Variants in PLXNB2 observed in about 807,000 individuals in gnomAD.
PLXNB2 encodes plexin-B2.
Under a neutral mutation model 202.6 loss-of-function variants are expected in PLXNB2, and 85 were observed. The ratio of observed to expected loss-of-function variants is 0.42; its 90% CI spans 0.35 to 0.50. The LOEUF (loss-of-function observed/expected upper bound fraction) is 0.50. Among genes scored for constraint, PLXNB2 ranks in the 20% least tolerant of loss-of-function variants. The pLI is 0.02. For missense variants in PLXNB2, 2,063 were observed against 2,586.2 expected (o/e 0.80, Z 4.39); for synonymous variants, 1,239 against 1,137.6 (o/e 1.09, Z -1.79).
At chr22:50,292,199 G>C (rs542037619) in intron 2 of PLXNB2, among the ~76,000 whole-genome samples, 5 of 152,052 alleles carry the variant, frequency 3.3e-5, no homozygotes, top group African/African-American at 1.2e-4. Context: ...TTAGCCAAGC[G>C]TGCTGGCACC....
At position 50,288,620 on chromosome 22, in the gene PLXNB2, G is replaced by T. The variant is rs534015690; in HGVS notation, c.1380+123C>A. ...CCAGCCACCCCTCATCCAGACCAAG[G>T]AGAAGGGCCCAGCTCTGCAGCACCC... On this transcript the variant is annotated intron_variant, in intron 5 of 36. Transcript: ENST00000359337. The surrounding 1 kb of genome is among the most constrained non-coding windows in gnomAD (Gnocchi z 5.0). The T allele has an allele frequency of 1.7e-4, 235 of 1,382,578 alleles. 1 individual carries two copies. In the African/African-American group the frequency reaches 3.1e-3, roughly 18 times the overall value. 85.6% of individuals were successfully genotyped at this position (1,382,578 alleles called of 1,614,324 possible). A position where few individuals can be genotyped will look rare whatever the true frequency, so the allele number is the denominator to read the frequency against.
intron 27 of PLXNB2, 78 bp downstream of exon 27, chr22:50,279,552 C>G: frequency 7.2e-7 from 1 of 1,394,232 alleles, no homozygotes; most frequent in South Asian, 1.2e-5. Context: ...CTGTGGGTCC[C>G]ATCTGTGGCC....
rs115861479 is a variant in PLXNB2, at chr22:50,289,266, G to A, written c.1069-124C>T. The stretch of plus-strand genomic sequence containing the variant: ...CGGCACACGTCCTACACACGTCCCC[G>A]AGAACAGAACCCACATGGCAGGGAG... On this transcript the variant is annotated intron_variant, in intron 3 of 36. Transcript: ENST00000359337. This position sits in a 1 kb window ranked among gnomAD's most constrained non-coding sequence, Gnocchi z 8.0. 1.8e-3 allele frequency: 1,768 copies of A among 1,000,498 alleles called. 29 individuals are homozygous for A. The African/African-American group carries it at 0.026, about 15-fold the overall frequency. 62.0% of individuals were successfully genotyped at this position (1,000,498 alleles called of 1,614,324 possible).
In PLXNB2 at chr22:50,291,454, C is replaced by T. The variant is rs529910010; in HGVS notation, c.-13-857G>A. ...TCGGTGTGGGGTCTGTGCCTGGGTC[C>T]GGGTGGATGAGGGGGATGTGTGGTG... On this transcript the variant is annotated intron_variant, in intron 2 of 36. Coordinates refer to ENST00000359337, the MANE Select transcript of PLXNB2 (RefSeq NM_012401.4). This position sits in a 1 kb window ranked among gnomAD's most constrained non-coding sequence, Gnocchi z 4.3. 1.3e-5 allele frequency among the ~76,000 whole-genome samples: 2 copies of T among 152,044 alleles called. No homozygotes were observed. The highest frequency in any genetic ancestry group is 4.2e-4 in the South Asian group (2 of 4,802).
At chr22:50,290,757 C>T (rs933234900) in intron 2 of PLXNB2, among the ~76,000 whole-genome samples, 160 bp from the exon 3 acceptor site, 12 of 152,216 alleles carry the variant, frequency 7.9e-5, no homozygotes, top group African/African-American at 1.4e-4. Flanking sequence ...TTCACACCCC[C>T]GCCATCCTCG....
In PLXNB2 at chr22:50,282,785, G is replaced by A; in HGVS notation, c.2913C>T (p.Pro971=). The change falls in exon 18 of 37, where the codon CCC becomes CCT. Residue 971 remains proline (P), a synonymous_variant. Coordinates refer to ENST00000359337, the MANE Select transcript of PLXNB2 (RefSeq NM_012401.4). ...LEVSYGGSPV[P]NPGIFFTYRE... ...GGTAGGTGAAGAAGATGCCGGGGTT[G>A]GGCACGGGGGACCCCCCGTAGGAGA... 6.2e-7 allele frequency: 1 copy of A among 1,612,380 alleles called. No homozygotes were observed. The highest frequency in any genetic ancestry group is 1.1e-5 in the South Asian group (1 of 91,052).
chr22:50,281,445 C>A lies in PLXNB2; in HGVS notation c.3577G>T (p.Val1193Leu). The A allele has an allele frequency of 6.2e-7, 1 of 1,612,324 alleles. No homozygotes were observed. Among genetic ancestry groups the A allele is most frequent in the Non-Finnish European group, 8.5e-7 (1 of 1,179,674 alleles). Reference sequence around the variant, plus strand: ...ATGAGGCTGAGCGGCACGTCGCTCACCCGTGTGTCGTACTCCACGCGGCCC... The same window carrying A: ...ATGAGGCTGAGCGGCACGTCGCTCAACCGTGTGTCGTACTCCACGCGGCCC... ...VLGRVEYDTR[V>L]SDVPLSLILP... The change falls in exon 22 of 37, where the codon GTG (valine) becomes TTG (leucine). Residue 1193 changes from valine to leucine, a missense_variant. By Grantham distance (32) the Val-to-Leu change is conservative (BLOSUM62 1). This residue lies in a region of PLXNB2 where 760 missense variants were observed against 1,109.4 expected (regional missense o/e 0.69). Coordinates refer to ENST00000359337, the MANE Select transcript of PLXNB2 (RefSeq NM_012401.4).
Position 50,280,736 on chromosome 22 carries a change from T to A in PLXNB2, c.3993+8A>T. The stretch of plus-strand genomic sequence containing the variant: ...TGTGCCCTCCCGCCCGCCCGACGCC[T>A]GGCTCACATTGATGAGGAAAGACTT... On this transcript the variant is annotated splice_region_variant and intron_variant, in intron 24 of 36. Transcript: ENST00000359337. The A allele has an allele frequency of 1.4e-6, 2 of 1,390,766 alleles. No individual in the cohort carries two copies. The highest frequency in any genetic ancestry group is 1.4e-5 in the African/African-American group (1 of 70,114). The allele number at this position is 1,390,766 out of a possible 1,614,324, so 86.2% of individuals were successfully genotyped here.
chr22:50,287,614 C>A, intron 7 of PLXNB2, 53 bp downstream of exon 7: 2 of 1,488,040 alleles, frequency 1.3e-6, no homozygotes, highest in Middle Eastern at 2.4e-4. Flanking sequence ...TGGGGGAGCC[C>A]CCACCTGGCC....
intron 1 of PLXNB2, among the ~76,000 whole-genome samples, chr22:50,300,098 G>A (rs1003128659): frequency 1.2e-4 from 19 of 152,110 alleles, no homozygotes; most frequent in Non-Finnish European, 2.6e-4. Flanking sequence ...GGACTCCGGC[G>A]CCCCGTCCGC....
rs149805063 is a variant in PLXNB2, at chr22:50,282,867, G to A, written c.2831C>T (p.Ala944Val). The part of the protein sequence containing the change: ...GVPCKVTKFG[A>V]QLQCVTGPQA... ...GGGGCCAGTGACACACTGGAGCTGCGCCCCAAACTTCGTCCTGGGGGAGGG... is the reference window on the plus strand; with the variant it reads ...GGGGCCAGTGACACACTGGAGCTGCACCCCAAACTTCGTCCTGGGGGAGGG... Residue 944 changes from alanine (A) to valine (V), a missense_variant, in exon 18 of 37, where the codon GCG becomes GTG. This residue lies in a region of PLXNB2 where 1,303 missense variants were observed against 1,476.8 expected (regional missense o/e 0.88). Transcript: ENST00000359337. The A allele has an allele frequency of 1.5e-3, 2,443 of 1,609,326 alleles. 37 individuals are homozygous for A. The African/African-American group carries it at 0.029, about 19-fold the overall frequency.
At chr22:50,285,044 C>T (rs1014259510) in intron 11 of PLXNB2, 12 of 404,802 alleles carry the variant, frequency 3.0e-5, no homozygotes, top group Non-Finnish European at 5.3e-5. Context: ...CAAAGGCCCC[C>T]GAGTGCTGCC....
Position 50,307,594 on chromosome 22 carries a change from C to G in PLXNB2, c.-115G>C. On this transcript the variant is annotated 5_prime_UTR_variant, in exon 1 of 37. Transcript: ENST00000359337. ...AAGGCTCGATGGCGCCCGGGCCGCGCTCGGCGCTGCGCTCTGGCCCGCGCT... is the reference window on the plus strand; with the variant it reads ...AAGGCTCGATGGCGCCCGGGCCGCGGTCGGCGCTGCGCTCTGGCCCGCGCT... 1 of 982,186 alleles carries G rather than the reference C, an allele frequency of 1.0e-6. No individual in the cohort carries two copies. Among genetic ancestry groups the G allele is most frequent in the African/African-American group, 1.8e-5 (1 of 56,624 alleles). 60.8% of individuals were successfully genotyped at this position (982,186 alleles called of 1,614,324 possible). A position where few individuals can be genotyped will look rare whatever the true frequency, so the allele number is the denominator to read the frequency against.
chr22:50,306,080 G>A (rs1035678361), intron 1 of PLXNB2, among the ~76,000 whole-genome samples: 2 of 152,212 alleles, frequency 1.3e-5, no homozygotes, highest in Non-Finnish European at 2.9e-5. Context: ...CTCCCGCTTC[G>A]GGTGACTGGA....
At chr22:50,286,416 G>T in intron 8 of PLXNB2, 129 bp from the exon 9 acceptor site, 1 of 644,776 alleles carries the variant, frequency 1.6e-6, no homozygotes, top group Non-Finnish European at 2.7e-6. Flanking sequence ...CTGCCAGGAC[G>T]CCCCGCATTC....
chr22:50,284,339 T>C lies in PLXNB2; in HGVS notation c.2182-126A>G. 1.1e-6 allele frequency: 1 copy of C among 940,940 alleles called. No homozygotes were observed. The allele number at this position is 940,940 out of a possible 1,614,324, so 58.3% of individuals were successfully genotyped here. On this transcript the variant is annotated intron_variant, in intron 12 of 36. Coordinates refer to ENST00000359337, the MANE Select transcript of PLXNB2 (RefSeq NM_012401.4). This position sits in a 1 kb window ranked among gnomAD's most constrained non-coding sequence, Gnocchi z 8.0. ...CAGCCAAGGGCAGCAGGGGAGGCCT[T>C]CAGGTGTCGGAAGTTCGGGAACCCC...
intron 35 of PLXNB2, among the ~76,000 whole-genome samples, chr22:50,276,310 G>C (rs1196496245): frequency 6.7e-6 from 1 of 149,696 alleles, no homozygotes; most frequent in Admixed American, 6.6e-5. Flanking sequence ...GGACACGGCC[G>C]TGGATGGAGC....
chr22:50,281,131 G>A lies in PLXNB2; in HGVS notation c.3721C>T (p.Leu1241=). The A allele has an allele frequency of 6.2e-7, 1 of 1,613,326 alleles. No individual in the cohort carries two copies. The highest frequency in any genetic ancestry group is 8.5e-7 in the Non-Finnish European group (1 of 1,179,910). ...CAGCGGTCCCGCACGCTCTCCTCCA[G>A]GCCCTCCAGCTGGGACTTGATCTTC... is the stretch of plus-strand genomic sequence containing the variant. ...YEKIKSQLEG[L]EESVRDRCKK... The change falls in exon 23 of 37, where the codon CTG becomes TTG. Residue 1241 remains leucine, a synonymous_variant. Coordinates refer to ENST00000359337, the MANE Select transcript of PLXNB2 (RefSeq NM_012401.4).
rs116092960 is a variant in PLXNB2 at position 50,275,016 on chromosome 22, C to A, written c.*688G>T. The A allele has an allele frequency of 4.0e-3, 666 of 167,420 alleles. 3 individuals carry two copies. The highest frequency in any genetic ancestry group is 0.016 in the African/African-American group (646 of 40,686). The allele number at this position is 167,420 out of a possible 1,614,324, so 10.4% of individuals were successfully genotyped here. A position where few individuals can be genotyped will look rare whatever the true frequency, so the allele number is the denominator to read the frequency against. ...GACGCTGTATTTGATTTACAATGAACAAGATTTACAAAAAGGGGTGGGGTG... is the reference window on the plus strand; with the variant it reads ...GACGCTGTATTTGATTTACAATGAAAAAGATTTACAAAAAGGGGTGGGGTG... On this transcript the variant is annotated 3_prime_UTR_variant, in exon 37 of 37. Transcript: ENST00000359337.
Sources: allele counts gnomAD v4.1 joint callset (sites outside exome capture counted in the v4.1 genomes callset), GRCh38; gene constraint gnomAD v4.1.1; regional missense constraint gnomAD v4.1.1; non-coding constraint Gnocchi (gnomAD v3.1); transcripts MANE v1.5; gene names NCBI Gene and HGNC (gene_info 2026-07-23, HGNC 2026-07-21).